The following ROBO2 variants were observed in gnomAD, a reference collection of about 807,000 sequenced individuals.
ROBO2 encodes the protein roundabout homolog 2.
A neutral mutation model predicts 160.8 loss-of-function variants in ROBO2; 53 were observed. The observed-to-expected ratio is 0.33, with a 90% CI of 0.26 to 0.41. The LOEUF (loss-of-function observed/expected upper bound fraction) is 0.41. Among genes scored for constraint, ROBO2 ranks in the 10% least tolerant of loss-of-function variants. The pLI, the probability that ROBO2 is intolerant of heterozygous loss-of-function variation, is 1.00. For missense variants in ROBO2, 1,577 were observed against 1,722.4 expected, an observed-to-expected ratio of 0.92 and a Z score of 1.49; for synonymous variants, 664 against 611.7, an observed-to-expected ratio of 1.09 and a Z score of -1.26.
chr3:76,299,391 C>G (rs1454717106), intron 2 of ROBO2, among the ~76,000 whole-genome samples: 1 of 151,964 alleles, frequency 6.6e-6, no homozygotes, highest in Non-Finnish European at 1.5e-5. Context: ...GTTATTAGAA[C>G]AAACACAATA....
chr3:77,461,915 G>A (rs1344951172), intron 2 of ROBO2, among the ~76,000 whole-genome samples: 6 of 151,812 alleles, frequency 4.0e-5, no homozygotes, highest in African/African-American at 1.5e-4. Context: ...TAGTAGAGAC[G>A]GGGTTTCACC....
chr3:76,665,912 C>CATATTATATATTATAT (rs1560335377), intron 2 of ROBO2, among the ~76,000 whole-genome samples: 1 of 140,650 alleles, frequency 7.1e-6, no homozygotes, highest in Non-Finnish European at 1.5e-5. Context: ...ATATAATATA[C>CATATTATATATTATAT]ACATATTTTA....
intron 2 of ROBO2, among the ~76,000 whole-genome samples, chr3:76,710,268 G>A (rs1174238273): frequency 1.3e-5 from 2 of 151,914 alleles, no homozygotes; most frequent in Non-Finnish European, 2.9e-5. Context: ...CTAGAGGTCC[G>A]CACCACCCTG....
Position 77,488,875 on chromosome 3 carries a change from G to C in ROBO2, c.668-4369G>C, listed in dbSNP as rs138582166. Among the ~76,000 whole-genome samples, 687 of 152,252 alleles carry C rather than the reference G, an allele frequency of 4.5e-3. 17 individuals carry two copies. The highest frequency in any genetic ancestry group is 0.035 in the Admixed American group (528 of 15,290). The stretch of plus-strand genomic sequence containing the variant: ...GATTCTCAGATTTTCTGGAAATAAA[G>C]TTGGTTAAGAAAAGTGGAAAATAGT... On this transcript the variant is annotated intron_variant, in intron 4 of 25. Coordinates refer to ENST00000461745, the Ensembl canonical transcript of ROBO2.
At chr3:76,461,892 G>T (rs1279088168) in intron 2 of ROBO2, among the ~76,000 whole-genome samples, 1 of 152,084 alleles carries the variant, frequency 6.6e-6, no homozygotes, top group African/African-American at 2.4e-5. Context: ...TAACAATAGA[G>T]AAATAGAGAG....
At chr3:76,249,004 G>C (rs1342142991) in intron 2 of ROBO2, among the ~76,000 whole-genome samples, 1 of 152,054 alleles carries the variant, frequency 6.6e-6, no homozygotes, top group Non-Finnish European at 1.5e-5. Context: ...TGTATTTCGT[G>C]TTTTTTGGGA....
chr3:76,564,155 G>A (rs551589779), intron 2 of ROBO2, among the ~76,000 whole-genome samples: 16 of 152,318 alleles, frequency 1.1e-4, no homozygotes, highest in African/African-American at 3.4e-4. Context: ...GCAGTAAGCC[G>A]AGATAGTGCC....
At chr3:76,017,997 T>G (rs1469744943) in intron 2 of ROBO2, among the ~76,000 whole-genome samples, 6 of 152,094 alleles carry the variant, frequency 3.9e-5, no homozygotes, top group Admixed American at 3.9e-4. Flanking sequence ...TTAGGGAAAT[T>G]GAGTATGCCC....
At chr3:76,302,230 C>T (rs1316442044) in intron 2 of ROBO2, among the ~76,000 whole-genome samples, 1 of 151,984 alleles carries the variant, frequency 6.6e-6, no homozygotes, top group Non-Finnish European at 1.5e-5. Flanking sequence ...AAAGACATTG[C>T]AAAAATACGC....
chr3:76,372,335 A>G (rs1442059784), intron 2 of ROBO2, among the ~76,000 whole-genome samples: 2 of 151,910 alleles, frequency 1.3e-5, no homozygotes, highest in African/African-American at 4.8e-5. Flanking sequence ...GACTATTGCT[A>G]TCAAGGTTGA....
intron 1 of ROBO2, among the ~76,000 whole-genome samples, chr3:77,043,938 A>G (rs1035778995): frequency 6.6e-6 from 1 of 152,172 alleles, no homozygotes; most frequent in Admixed American, 6.5e-5. Flanking sequence ...AATCTCATAG[A>G]GGTTTATACA....
intron 1 of ROBO2, among the ~76,000 whole-genome samples, chr3:77,096,962 T>C (rs148244304): frequency 4.3e-4 from 66 of 152,350 alleles, no homozygotes; most frequent in African/African-American, 1.6e-3. Context: ...ACTATTTAAG[T>C]AAATCACAAC....
chr3:76,124,666 G>A (rs2070895240), intron 2 of ROBO2, among the ~76,000 whole-genome samples: 1 of 151,992 alleles, frequency 6.6e-6, no homozygotes, highest in African/African-American at 2.4e-5. Flanking sequence ...ATTGTAATAA[G>A]ATAATTCATG....
intron 2 of ROBO2, among the ~76,000 whole-genome samples, chr3:76,504,056 T>C (rs1438710569): frequency 6.6e-6 from 1 of 152,018 alleles, no homozygotes; most frequent in African/African-American, 2.4e-5. Flanking sequence ...AGAATAGTCC[T>C]TTTTTTATAT....
At chr3:75,911,707 G>A (rs559055444) in intron 1 of ROBO2, among the ~76,000 whole-genome samples, 2 of 151,620 alleles carry the variant, frequency 1.3e-5, no homozygotes, top group South Asian at 4.2e-4. Flanking sequence ...ACAGGCGCAC[G>A]CCACCATGCC....
intron 2 of ROBO2, among the ~76,000 whole-genome samples, chr3:76,657,005 C>A (rs1575759585): frequency 6.6e-6 from 1 of 152,180 alleles, no homozygotes; most frequent in Non-Finnish European, 1.5e-5. Flanking sequence ...CTAATCAAGT[C>A]TCTAAGCACC....
At chr3:76,317,313 G>C (rs969511535) in intron 2 of ROBO2, among the ~76,000 whole-genome samples, 9 of 152,154 alleles carry the variant, frequency 5.9e-5, no homozygotes, top group Middle Eastern at 3.2e-3. Context: ...TCTCACCTTT[G>C]TAACGCTGGG....
chr3:77,310,581 C>T (rs960444911), intron 2 of ROBO2, among the ~76,000 whole-genome samples: 16 of 152,102 alleles, frequency 1.1e-4, no homozygotes, highest in African/African-American at 3.9e-4. Context: ...AATTTCCAGA[C>T]AGAGCAATTG....
At chr3:75,954,279 T>C (rs1366208725) in intron 2 of ROBO2, among the ~76,000 whole-genome samples, 2 of 151,906 alleles carry the variant, frequency 1.3e-5, no homozygotes. Context: ...TCAAGGACAC[T>C]TGATACAGCT....
Sources: allele counts gnomAD v4.1 joint callset (sites outside exome capture counted in the v4.1 genomes callset), GRCh38; gene constraint gnomAD v4.1.1; transcripts MANE v1.5; gene names NCBI Gene and HGNC (gene_info 2026-07-23, HGNC 2026-07-21).